Variants in MACROD2 observed in about 807,000 individuals in gnomAD.
MACROD2 encodes the protein mono-ADP ribosylhydrolase 2, also known as ADP-ribose glycohydrolase MACROD2.
In MACROD2, 36 loss-of-function variants were observed where a neutral mutation model predicts 70.4. The ratio of observed to expected loss-of-function variants is 0.51; its 90% CI spans 0.39 to 0.68. The LOEUF (loss-of-function observed/expected upper bound fraction) is 0.68, where lower values mean the gene tolerates loss of function less well. Ranked by LOEUF, MACROD2 falls within the 30% of genes least tolerant of loss-of-function variation. The pLI is 0.00. For missense variants in MACROD2, 496 were observed against 538.4 expected, an observed-to-expected ratio of 0.92 and a Z score of 0.78; for synonymous variants, 172 against 178.8, an observed-to-expected ratio of 0.96 and a Z score of 0.30.
At chr20:15,625,137 T>C (rs1361356382) in intron 8 of MACROD2, among the ~76,000 whole-genome samples, 1 of 152,200 alleles carries the variant, frequency 6.6e-6, no homozygotes, top group East Asian at 1.9e-4. Context: ...AAATGAACCT[T>C]TTATACATTG....
At chr20:15,511,177 T>A (rs2047493771) in intron 8 of MACROD2, among the ~76,000 whole-genome samples, 1 of 152,210 alleles carries the variant, frequency 6.6e-6, no homozygotes, top group Non-Finnish European at 1.5e-5. Flanking sequence ...GAAGGAGCTA[T>A]GCACGCATAT....
At chr20:14,403,529 A>G (rs905631346) in intron 3 of MACROD2, among the ~76,000 whole-genome samples, 1 of 152,208 alleles carries the variant, frequency 6.6e-6, no homozygotes, top group Non-Finnish European at 1.5e-5. Context: ...ATCACTAACT[A>G]TAAAGGTTGA....
intron 5 of MACROD2, among the ~76,000 whole-genome samples, chr20:14,917,165 G>A (rs559466019): frequency 1.3e-5 from 2 of 150,310 alleles, no homozygotes; most frequent in South Asian, 4.3e-4. Flanking sequence ...TTGCATTTCC[G>A]TGGCAGCATT....
At chr20:14,273,710 G>C (rs577422673) in intron 3 of MACROD2, among the ~76,000 whole-genome samples, 17 of 152,180 alleles carry the variant, frequency 1.1e-4, no homozygotes, top group African/African-American at 4.1e-4. Flanking sequence ...TCAGGAGCTG[G>C]TTTTTTGAAA....
At chr20:14,169,111 T>G (rs1205071757) in intron 3 of MACROD2, among the ~76,000 whole-genome samples, 1 of 152,154 alleles carries the variant, frequency 6.6e-6, no homozygotes, top group Non-Finnish European at 1.5e-5. Flanking sequence ...AATCCCTTGA[T>G]CATCTCAATA....
At chr20:15,429,187 T>C (rs899292863) in intron 6 of MACROD2, among the ~76,000 whole-genome samples, 2 of 152,196 alleles carry the variant, frequency 1.3e-5, no homozygotes, top group Non-Finnish European at 2.9e-5. Context: ...TGTTGGTGAA[T>C]GCCTGTAAAG....
chr20:14,455,370 G>A (rs1372178640), intron 3 of MACROD2, among the ~76,000 whole-genome samples: 1 of 151,854 alleles, frequency 6.6e-6, no homozygotes, highest in Non-Finnish European at 1.5e-5. Context: ...TGTAGCAGGA[G>A]ATCCTGAAAC....
chr20:15,163,839 A>G (rs1327059838), intron 5 of MACROD2, among the ~76,000 whole-genome samples: 1 of 152,144 alleles, frequency 6.6e-6, no homozygotes, highest in East Asian at 1.9e-4. Flanking sequence ...CCATAGAGAA[A>G]AGTCCAATGT....
chr20:14,425,503 G>A (rs2083923278), intron 3 of MACROD2, among the ~76,000 whole-genome samples: 1 of 152,066 alleles, frequency 6.6e-6, no homozygotes, highest in African/African-American at 2.4e-5. Flanking sequence ...TATTTACCTT[G>A]GAGTTAATAA....
At chr20:14,478,427 A>G (rs181953333) in intron 3 of MACROD2, among the ~76,000 whole-genome samples, 16 of 152,304 alleles carry the variant, frequency 1.1e-4, no homozygotes, top group African/African-American at 3.9e-4. Flanking sequence ...GTGTTCCTTT[A>G]TAGGAAATGT....
intron 8 of MACROD2, among the ~76,000 whole-genome samples, chr20:15,761,842 A>G (rs1568546361): frequency 6.6e-6 from 1 of 152,226 alleles, no homozygotes; most frequent in African/African-American, 2.4e-5. Flanking sequence ...TTTCCCCAGT[A>G]ATGACTGCAG....
chr20:15,382,181 A>C (rs1568764258), intron 6 of MACROD2, among the ~76,000 whole-genome samples: 1 of 152,172 alleles, frequency 6.6e-6, no homozygotes, highest in African/African-American at 2.4e-5. Context: ...AATTGAGAAA[A>C]AAAGATTAAA....
At chr20:14,963,828 G>T (rs1240441071) in intron 5 of MACROD2, among the ~76,000 whole-genome samples, 1 of 152,126 alleles carries the variant, frequency 6.6e-6, no homozygotes, top group Non-Finnish European at 1.5e-5. Flanking sequence ...TAGCAATTTA[G>T]CATGGTCTAG....
At chr20:14,898,716 A>G (rs1302292237) in intron 5 of MACROD2, among the ~76,000 whole-genome samples, 1 of 152,128 alleles carries the variant, frequency 6.6e-6, no homozygotes, top group Admixed American at 6.5e-5. Flanking sequence ...TAATGTCTCA[A>G]CTGTCCTCAC....
intron 8 of MACROD2, among the ~76,000 whole-genome samples, chr20:15,587,135 G>A (rs2146659452): frequency 1.3e-5 from 2 of 152,280 alleles, no homozygotes; most frequent in Non-Finnish European, 2.9e-5. Context: ...TGGCTGAGGA[G>A]GCCCCAGAAT....
intron 8 of MACROD2, among the ~76,000 whole-genome samples, chr20:15,776,065 TA>T (rs1193928413): frequency 6.6e-6 from 1 of 152,192 alleles, no homozygotes; most frequent in Non-Finnish European, 1.5e-5. Flanking sequence ...CACAGTATTT[TA>T]AAAAACAAAA....
chr20:14,867,504 G>A (rs1271167781), intron 5 of MACROD2, among the ~76,000 whole-genome samples: 1 of 152,112 alleles, frequency 6.6e-6, no homozygotes, highest in Non-Finnish European at 1.5e-5. Context: ...CTAGACACAG[G>A]AAAGTTGCTA....
At chr20:14,765,726 A>G (rs985845030) in intron 5 of MACROD2, among the ~76,000 whole-genome samples, 1 of 152,146 alleles carries the variant, frequency 6.6e-6, no homozygotes, top group Admixed American at 6.5e-5. Context: ...ATAAATCAAC[A>G]TATGAAACAG....
chr20:15,432,097 A>G (rs2046370557), intron 7 of MACROD2, among the ~76,000 whole-genome samples: 1 of 152,054 alleles, frequency 6.6e-6, no homozygotes, highest in African/African-American at 2.4e-5. Context: ...AGTCTGTTTT[A>G]TAATGTTAAA....
Sources: allele counts gnomAD v4.1 joint callset (sites outside exome capture counted in the v4.1 genomes callset), GRCh38; gene constraint gnomAD v4.1.1; transcripts MANE v1.5; gene names NCBI Gene and HGNC (gene_info 2026-07-23, HGNC 2026-07-21).